Variants in LRPPRC observed in about 807,000 individuals in gnomAD.
The protein encoded by LRPPRC is leucine rich pentatricopeptide repeat containing.
Under a neutral mutation model 180.3 loss-of-function variants are expected in LRPPRC, and 120 were observed. The ratio of observed to expected loss-of-function variants is 0.67; its 90% confidence interval spans 0.57 to 0.77. LRPPRC has a LOEUF of 0.77. Ranked by LOEUF, LRPPRC falls within the 30% of genes least tolerant of loss-of-function variation. The probability of loss-of-function intolerance (pLI) is 0.00; values close to 1 mark genes in which losing one functional copy is unlikely to be tolerated. For synonymous variants in LRPPRC, 723 were observed against 600.0 expected (o/e 1.21, Z -3.00); for missense variants, 2,012 against 1,657.2 (o/e 1.21, Z -3.72).
chr2:43,965,615 A>G (rs552677191), intron 11 of LRPPRC, among the ~76,000 whole-genome samples: 2 of 152,230 alleles, frequency 1.3e-5, no homozygotes, highest in Non-Finnish European at 2.9e-5. Flanking sequence ...CACGTATCTG[A>G]TAAGGGGCTA....
chr2:43,943,128 C>CT, intron 23 of LRPPRC, among the ~76,000 whole-genome samples: 1 of 152,146 alleles, frequency 6.6e-6, no homozygotes, highest in East Asian at 1.9e-4. Context: ...AATAGACTGA[C>CT]TTTATGATTT....
intron 18 of LRPPRC, among the ~76,000 whole-genome samples, 162 bp from the exon 19 acceptor site, chr2:43,947,937 G>T (rs969147544): frequency 2.0e-5 from 3 of 151,616 alleles, no homozygotes; most frequent in Non-Finnish European, 2.9e-5. Context: ...TGTAATTAAC[G>T]TTATAAATAT....
chr2:43,892,652 CA>C (rs1295731692), intron 36 of LRPPRC: 1 of 152,138 alleles, frequency 6.6e-6, no homozygotes, highest in East Asian at 1.9e-4. Flanking sequence ...GCCCATAGAT[CA>C]AGGAGTAATC....
intron 1 of LRPPRC, among the ~76,000 whole-genome samples, chr2:43,993,184 G>T (rs1366268429): frequency 1.3e-5 from 2 of 152,124 alleles, no homozygotes; most frequent in East Asian, 3.9e-4. Context: ...ATTAAAAGAG[G>T]TCCTTTCAAA....
intron 28 of LRPPRC, 51 bp from the exon 29 acceptor site, chr2:43,918,184 T>C: frequency 1.3e-6 from 2 of 1,596,554 alleles, no homozygotes; most frequent in Non-Finnish European, 1.7e-6. Flanking sequence ...CTTTTCAATA[T>C]AAAAGTAGGC....
At chr2:43,929,866 T>C (rs1387004991) in intron 25 of LRPPRC, among the ~76,000 whole-genome samples, 7 of 152,116 alleles carry the variant, frequency 4.6e-5, no homozygotes, top group Non-Finnish European at 7.4e-5. Context: ...CCAGGTGTTA[T>C]AGGAGATACT....
chr2:43,911,946 T>C (rs1462171215), intron 30 of LRPPRC, among the ~76,000 whole-genome samples: 1 of 152,174 alleles, frequency 6.6e-6, no homozygotes, highest in East Asian at 1.9e-4. Flanking sequence ...GAAGAAATCT[T>C]TAATATTAAG....
chr2:43,920,382 G>A (rs1476979483), intron 27 of LRPPRC, among the ~76,000 whole-genome samples: 1 of 152,064 alleles, frequency 6.6e-6, no homozygotes, highest in Non-Finnish European at 1.5e-5. Flanking sequence ...GCAATTCACT[G>A]GCCTTGGCCT....
intron 1 of LRPPRC, among the ~76,000 whole-genome samples, chr2:43,995,509 C>T (rs1440447375): frequency 6.6e-6 from 1 of 152,242 alleles, no homozygotes; most frequent in Non-Finnish European, 1.5e-5. Context: ...AAGCCCCCCT[C>T]ATCTTCGTTG....
chr2:43,926,179 G>C (rs1480136032), intron 25 of LRPPRC, among the ~76,000 whole-genome samples: 3 of 152,080 alleles, frequency 2.0e-5, no homozygotes, highest in African/African-American at 4.8e-5. Context: ...AGACCTTTAA[G>C]TAAGAGTAGA....
In LRPPRC at chr2:43,995,846, C is replaced by T; in HGVS notation, c.102G>A (p.Leu34=). 1 of 1,467,510 alleles carries T rather than the reference C, an allele frequency of 6.8e-7. No homozygotes were observed. The highest frequency in any genetic ancestry group is 2.8e-5 in the East Asian group (1 of 35,208). The allele number at this position is 1,467,510 out of a possible 1,614,324, so 90.9% of individuals were successfully genotyped here. The change falls in exon 1 of 38, where the codon CTG becomes CTA. Residue 34 remains leucine (L), a synonymous_variant. Coordinates refer to ENST00000260665, the MANE Select transcript of LRPPRC (RefSeq NM_133259.4). ...LRLLPGGPGR[L]HAASYLPAAR... ...CGGCGGGCAGATAGGAGGCGGCATG[C>T]AGCCGGCCCGGGCCGCCAGGGAGGA...
chr2:43,897,812 G>C (rs1334424425), intron 34 of LRPPRC, among the ~76,000 whole-genome samples: 1 of 152,158 alleles, frequency 6.6e-6, no homozygotes, highest in Admixed American at 6.5e-5. Flanking sequence ...TTATGGCAGA[G>C]AACAAGCTAG....
chr2:43,953,068 T>C (rs573260475), intron 14 of LRPPRC, among the ~76,000 whole-genome samples: 1 of 152,340 alleles, frequency 6.6e-6, no homozygotes, highest in Admixed American at 6.5e-5. Flanking sequence ...AGAACCACTG[T>C]TCTCTCAGCC....
chr2:43,907,259 G>T (rs1016841051), intron 30 of LRPPRC, among the ~76,000 whole-genome samples: 2 of 152,038 alleles, frequency 1.3e-5, no homozygotes, highest in Non-Finnish European at 2.9e-5. Context: ...TAAATATCAG[G>T]AAGAAGAAAC....
chr2:43,984,676 G>A (rs1219077173), intron 1 of LRPPRC, among the ~76,000 whole-genome samples: 1 of 152,114 alleles, frequency 6.6e-6, no homozygotes, highest in African/African-American at 2.4e-5. Flanking sequence ...CTGGAGTAAT[G>A]GGTATGTCGT....
intron 31 of LRPPRC, among the ~76,000 whole-genome samples, chr2:43,904,234 G>A (rs192086841): frequency 2.7e-4 from 41 of 152,176 alleles, no homozygotes; most frequent in African/African-American, 7.7e-4. Context: ...GAGCCATTGC[G>A]CCTAGCCACA....
At chr2:43,976,542 T>C (rs1352247721) in intron 5 of LRPPRC, among the ~76,000 whole-genome samples, 1 of 152,074 alleles carries the variant, frequency 6.6e-6, no homozygotes, top group East Asian at 1.9e-4. Flanking sequence ...TAGATAAAAA[T>C]GAAATTATGT....
At chr2:43,986,189 G>T (rs1674519244) in intron 1 of LRPPRC, among the ~76,000 whole-genome samples, 1 of 152,044 alleles carries the variant, frequency 6.6e-6, no homozygotes, top group Non-Finnish European at 1.5e-5. Context: ...GGAGTACAAT[G>T]GCGCGACCTC....
intron 30 of LRPPRC, 67 bp from the exon 31 acceptor site, chr2:43,905,847 C>T: frequency 9.8e-7 from 1 of 1,015,842 alleles, no homozygotes; most frequent in Admixed American, 1.7e-5. Flanking sequence ...AATGGTTGAG[C>T]ACCAAGGTGA....
Sources: gnomAD v4.1 joint callset for allele counts (sites outside exome capture counted in the v4.1 genomes callset) on GRCh38, gnomAD v4.1.1 for gene constraint, MANE v1.5 for transcripts, NCBI Gene and HGNC (gene_info 2026-07-23, HGNC 2026-07-21) for gene names.